Variants in RALA observed in about 807,000 individuals in gnomAD.
The protein encoded by RALA is ras-related protein Ral-A.
In RALA, 5 loss-of-function variants were observed where a neutral mutation model predicts 24.0. The observed-to-expected ratio is 0.21, with a 90% CI of 0.11 to 0.44. RALA has a LOEUF of 0.44. RALA is among the 20% of genes least tolerant of loss of function. The pLI is 0.99. For missense variants in RALA, 95 were observed against 241.2 expected (o/e 0.39, Z 4.01); for synonymous variants, 77 against 83.8 (o/e 0.92, Z 0.44).
chr7:39,639,123 A>G (rs927118356), intron 1 of RALA, among the ~76,000 whole-genome samples: 24 of 152,242 alleles, frequency 1.6e-4, no homozygotes, highest in African/African-American at 5.5e-4. Flanking sequence ...CAATTTTACC[A>G]TAGGTTAATT....
chr7:39,625,653 A>T (rs1200642377), intron 1 of RALA, among the ~76,000 whole-genome samples: 2 of 152,150 alleles, frequency 1.3e-5, no homozygotes, highest in South Asian at 4.1e-4. Context: ...AATAATATGG[A>T]TCATTTATTT....
At chr7:39,693,696 A>G (rs1319866080) in intron 3 of RALA, among the ~76,000 whole-genome samples, 1 of 152,358 alleles carries the variant, frequency 6.6e-6, no homozygotes, top group Middle Eastern at 3.4e-3. Flanking sequence ...CATATATTTA[A>G]TAGTAATCAT....
At chr7:39,639,380 G>A (rs1430394383) in intron 1 of RALA, among the ~76,000 whole-genome samples, 3 of 152,158 alleles carry the variant, frequency 2.0e-5, no homozygotes, top group Admixed American at 2.0e-4. Context: ...AAAATTGTAA[G>A]GAGAACTTTC....
intron 3 of RALA, among the ~76,000 whole-genome samples, chr7:39,692,932 A>G (rs1274164615): frequency 2.6e-5 from 4 of 152,182 alleles, no homozygotes; most frequent in African/African-American, 7.2e-5. Context: ...GATGCTGGAG[A>G]GGATGTGGAG....
chr7:39,698,161 ATTC>A (rs1330947026), intron 4 of RALA, among the ~76,000 whole-genome samples: 1 of 152,040 alleles, frequency 6.6e-6, no homozygotes, highest in Non-Finnish European at 1.5e-5. Flanking sequence ...AGCTCTCCTG[ATTC>A]TTCTTAGGAT....
At chr7:39,653,529 T>C (rs1382377335) in intron 1 of RALA, among the ~76,000 whole-genome samples, 3 of 152,230 alleles carry the variant, frequency 2.0e-5, no homozygotes, top group African/African-American at 7.2e-5. Context: ...GACCTTGCTA[T>C]GTTGCCCAGG....
At chr7:39,655,811 T>G (rs1040483501) in intron 1 of RALA, among the ~76,000 whole-genome samples, 1 of 152,150 alleles carries the variant, frequency 6.6e-6, no homozygotes, top group African/African-American at 2.4e-5. Context: ...TCCCCAAATT[T>G]TCCACAATTA....
At chr7:39,700,821 CTA>C (rs1417083982) in intron 4 of RALA, 2 of 152,168 alleles carry the variant, frequency 1.3e-5, no homozygotes, top group African/African-American at 4.8e-5. Context: ...ATACTGAAGA[CTA>C]TAATTTCATG....
intron 3 of RALA, among the ~76,000 whole-genome samples, chr7:39,696,190 C>G (rs1328813071): frequency 6.6e-6 from 1 of 152,174 alleles, no homozygotes; most frequent in Non-Finnish European, 1.5e-5. Context: ...TAATTTCTGG[C>G]ACATTTGGGT....
At chr7:39,666,820 C>CT (rs1792293592) in intron 1 of RALA, among the ~76,000 whole-genome samples, 2 of 152,152 alleles carry the variant, frequency 1.3e-5, no homozygotes, top group South Asian at 4.1e-4. Context: ...ATCTTTGTTG[C>CT]TATAGAGTCA....
chr7:39,686,584 C>T, intron 1 of RALA, 47 bp from the exon 2 acceptor site: 2 of 1,085,896 alleles, frequency 1.8e-6, no homozygotes, highest in Non-Finnish European at 2.8e-6. Context: ...CACTGGAATT[C>T]TAAAGAAGAA....
At chr7:39,682,324 T>G (rs1792618399) in intron 1 of RALA, among the ~76,000 whole-genome samples, 1 of 151,414 alleles carries the variant, frequency 6.6e-6, no homozygotes, top group African/African-American at 2.4e-5. Context: ...CTGCTGCTGC[T>G]GCTGTACCCC....
intron 1 of RALA, among the ~76,000 whole-genome samples, chr7:39,658,724 TC>T (rs774441096): frequency 6.6e-5 from 10 of 152,218 alleles, no homozygotes; most frequent in Non-Finnish European, 1.0e-4. Flanking sequence ...AAGCGAATCT[TC>T]CCTCTAGGCT....
intron 1 of RALA, among the ~76,000 whole-genome samples, chr7:39,646,579 G>A (rs958158952): frequency 6.6e-6 from 1 of 151,924 alleles, no homozygotes; most frequent in African/African-American, 2.4e-5. Flanking sequence ...AGTGAGCCAT[G>A]TTCTTGCTGT....
At chr7:39,642,610 A>G (rs1791838880) in intron 1 of RALA, among the ~76,000 whole-genome samples, 3 of 152,170 alleles carry the variant, frequency 2.0e-5, no homozygotes, top group African/African-American at 4.8e-5. Context: ...CTATCCAGCT[A>G]TTAGCCATTC....
chr7:39,631,773 C>A (rs1327760852), intron 1 of RALA, among the ~76,000 whole-genome samples: 1 of 152,102 alleles, frequency 6.6e-6, no homozygotes, highest in African/African-American at 2.4e-5. Context: ...GCATATTTTC[C>A]TGCCACCTTG....
At chr7:39,674,042 T>TAAAAAAAAAAA (rs367907893) in intron 1 of RALA, among the ~76,000 whole-genome samples, 26 of 90,762 alleles carry the variant, frequency 2.9e-4, no homozygotes, top group African/African-American at 1.3e-3. Flanking sequence ...GCATGCACTG[T>TAAAAAAAAAAA]AAATAAATAA....
chr7:39,687,089 G>C lies in RALA; in HGVS notation c.114+308G>C, dbSNP rs75312379. 8.3e-3 allele frequency among the ~76,000 whole-genome samples: 1,262 copies of C among 151,986 alleles called. 14 individuals are homozygous for C. Among genetic ancestry groups the C allele is most frequent in the African/African-American group, 0.029 (1,183 of 41,428 alleles). On this transcript the variant is annotated intron_variant, in intron 2 of 4. Transcript: ENST00000005257. ...ATTCCTACCTTTAATTAATAGAAGT[G>C]GTGTGTATAATACTTAAGAGAGACT...
At chr7:39,683,562 A>G (rs1480365043) in intron 1 of RALA, among the ~76,000 whole-genome samples, 1 of 152,160 alleles carries the variant, frequency 6.6e-6, no homozygotes, top group African/African-American at 2.4e-5. Context: ...CATTCAAAAC[A>G]ATATCTAGAC....
Sources: gnomAD v4.1 joint callset for allele counts (sites outside exome capture counted in the v4.1 genomes callset) on GRCh38, gnomAD v4.1.1 for gene constraint, MANE v1.5 for transcripts, NCBI Gene and HGNC (gene_info 2026-07-23, HGNC 2026-07-21) for gene names.